The following CDC123 variants were observed in gnomAD, a reference collection of about 807,000 sequenced individuals.
The protein encoded by CDC123 is translation initiation factor eIF2 assembly protein.
In CDC123, 37 loss-of-function variants were observed where a neutral mutation model predicts 54.4. The ratio of observed to expected loss-of-function variants is 0.68; its 90% CI spans 0.52 to 0.89. CDC123 has a LOEUF of 0.89. Ranked by LOEUF, CDC123 falls within the 40% of genes least tolerant of loss-of-function variation. CDC123 has a pLI of 0.00. For synonymous variants in CDC123, 144 were observed against 136.8 expected (o/e 1.05, Z -0.37); for missense variants, 361 against 412.1 (o/e 0.88, Z 1.07).
At chr10:12,212,417 G>T (rs560374885) in intron 4 of CDC123, among the ~76,000 whole-genome samples, 1 of 152,282 alleles carries the variant, frequency 6.6e-6, no homozygotes, top group South Asian at 2.1e-4. Context: ...GCTAGCTTTG[G>T]GCTCTCACTG....
intron 6 of CDC123, among the ~76,000 whole-genome samples, chr10:12,222,078 C>A (rs1429656615): frequency 3.3e-5 from 5 of 152,176 alleles, no homozygotes; most frequent in African/African-American, 1.2e-4. Flanking sequence ...TCCAGGCCCA[C>A]GCCTTGGTGG....
chr10:12,235,506 A>T (rs1170774935), intron 8 of CDC123, among the ~76,000 whole-genome samples: 1 of 152,206 alleles, frequency 6.6e-6, no homozygotes, highest in African/African-American at 2.4e-5. Flanking sequence ...TATTTCTATT[A>T]TTGGGGCACT....
chr10:12,245,930 T>G, intron 10 of CDC123: 3 of 405,782 alleles, frequency 7.4e-6, no homozygotes, highest in Non-Finnish European at 1.3e-5. Context: ...ATTAGCTGCA[T>G]GTGGTGGTGC....
rs763787783 is a variant in CDC123 at position 12,249,601 on chromosome 10, C to G, written c.867C>G (p.Cys289Trp). Residue 289 changes from cysteine to tryptophan, a missense_variant, in exon 12 of 13, where the codon TGC (cysteine) becomes TGG (tryptophan). Transcript: ENST00000281141. ...TACAGGATTCCCCAGCTTTCCGTTGCACAAACAGTGAAGTGACAGTCCAGC... is the reference window on the plus strand; with the variant it reads ...TACAGGATTCCCCAGCTTTCCGTTGGACAAACAGTGAAGTGACAGTCCAGC... ...AQEQDSPAFR[C>W]TNSEVTVQPS... 1 of 1,613,514 alleles carries G rather than the reference C, an allele frequency of 6.2e-7. No homozygotes were observed. The highest frequency in any genetic ancestry group is 2.2e-5 in the East Asian group (1 of 44,874).
intron 4 of CDC123, among the ~76,000 whole-genome samples, chr10:12,212,651 G>A (rs181667502): frequency 5.3e-5 from 8 of 152,130 alleles, no homozygotes; most frequent in Admixed American, 1.3e-4. Context: ...AAAACTTTAC[G>A]AGCACTAACA....
intron 11 of CDC123, chr10:12,246,701 C>A (rs1203154144): frequency 1.9e-5 from 3 of 156,278 alleles, no homozygotes; most frequent in African/African-American, 7.2e-5. Context: ...CTCAGTCTCC[C>A]ATCATTCCTT....
chr10:12,210,053 G>T, intron 3 of CDC123, 29 bp downstream of exon 3: 3 of 1,603,666 alleles, frequency 1.9e-6, no homozygotes, highest in Non-Finnish European at 2.6e-6. Flanking sequence ...AATCTGTTCT[G>T]TAGACTGTTG....
chr10:12,215,557 T>G (rs1017306699), intron 4 of CDC123, among the ~76,000 whole-genome samples, 183 bp from the exon 5 acceptor site: 28 of 152,246 alleles, frequency 1.8e-4, no homozygotes, highest in Admixed American at 6.5e-5. Context: ...TTATTTTATT[T>G]CTCTTTTTGG....
intron 2 of CDC123, among the ~76,000 whole-genome samples, chr10:12,202,693 A>G (rs929297010): frequency 2.6e-5 from 4 of 152,196 alleles, no homozygotes; most frequent in African/African-American, 9.7e-5. Flanking sequence ...TGAGGGAAAC[A>G]TTTACTTCGG....
intron 6 of CDC123, among the ~76,000 whole-genome samples, chr10:12,219,838 A>G (rs1262734591): frequency 6.6e-6 from 1 of 152,022 alleles, no homozygotes; most frequent in Non-Finnish European, 1.5e-5. Flanking sequence ...GCGCATGGCT[A>G]CCACGCCCAG....
chr10:12,227,037 C>T (rs191689994), intron 6 of CDC123, among the ~76,000 whole-genome samples: 3 of 152,278 alleles, frequency 2.0e-5, no homozygotes, highest in Admixed American at 6.5e-5. Context: ...GCAGATCACT[C>T]GCGGTTAGGA....
chr10:12,210,415 T>C, intron 4 of CDC123, 93 bp downstream of exon 4: 1 of 1,436,438 alleles, frequency 7.0e-7, no homozygotes, highest in South Asian at 1.3e-5. Context: ...CTTAAATTCC[T>C]AGTCAGTCAC....
chr10:12,228,240 T>C (rs934141393), intron 6 of CDC123, among the ~76,000 whole-genome samples: 2 of 152,148 alleles, frequency 1.3e-5, no homozygotes, highest in African/African-American at 2.4e-5. Flanking sequence ...AGTCCTTAAT[T>C]TTTATTGACG....
At chr10:12,245,793 G>A (rs561966333) in intron 10 of CDC123, 32 of 170,546 alleles carry the variant, frequency 1.9e-4, no homozygotes, top group Non-Finnish European at 3.2e-4. Flanking sequence ...CTTTCTGGCC[G>A]GGCGACGTGG....
At chr10:12,199,008 T>C (rs1835402104) in intron 2 of CDC123, 1 of 374,402 alleles carries the variant, frequency 2.7e-6, no homozygotes, top group Admixed American at 4.7e-5. Context: ...CTTTCATCTC[T>C]GTCTTTAGAA....
Position 12,250,302 on chromosome 10 carries a change from C to G in CDC123, c.985-9C>G. On this transcript the variant is annotated splice_polypyrimidine_tract_variant and intron_variant, in intron 12 of 12. Coordinates refer to ENST00000281141, the MANE Select transcript of CDC123 (RefSeq NM_006023.3). ...GCTATTTTAACATCCCCTTGGTTTT[C>G]TTTGACAGAAGAGAAATCAGCAGGA... 2 of 1,574,376 alleles carry G rather than the reference C, an allele frequency of 1.3e-6. No individual in the cohort carries two copies. The highest frequency in any genetic ancestry group is 1.7e-6 in the Non-Finnish European group (2 of 1,150,718).
chr10:12,243,735 G>T (rs2131768444), intron 10 of CDC123, among the ~76,000 whole-genome samples: 1 of 150,012 alleles, frequency 6.7e-6, no homozygotes, highest in Non-Finnish European at 1.5e-5. Context: ...AGTGAGCAGA[G>T]ATCGCACCAC....
At chr10:12,226,272 G>T (rs1250451573) in intron 6 of CDC123, among the ~76,000 whole-genome samples, 1 of 152,196 alleles carries the variant, frequency 6.6e-6, no homozygotes, top group Non-Finnish European at 1.5e-5. Context: ...ATGAGCTGTT[G>T]GGTACACCTC....
chr10:12,201,710 G>C (rs953541754), intron 2 of CDC123, among the ~76,000 whole-genome samples: 1 of 152,150 alleles, frequency 6.6e-6, no homozygotes, highest in Non-Finnish European at 1.5e-5. Flanking sequence ...TTCTGAGAAC[G>C]TCAGGAAGGC....
Sources: allele counts gnomAD v4.1 joint callset (sites outside exome capture counted in the v4.1 genomes callset), GRCh38; gene constraint gnomAD v4.1.1; transcripts MANE v1.5; gene names NCBI Gene and HGNC (gene_info 2026-07-23, HGNC 2026-07-21).